SECISBP2L: variants seen among roughly 807,000 people sequenced by gnomAD.
SECISBP2L encodes the protein selenocysteine insertion sequence-binding protein 2-like.
Under a neutral mutation model 114.7 loss-of-function variants are expected in SECISBP2L, and 43 were observed. That is an observed-to-expected ratio of 0.38 (90% CI 0.29 to 0.48). The LOEUF is 0.48. Ranked by LOEUF, SECISBP2L falls within the 20% of genes least tolerant of loss-of-function variation. SECISBP2L has a pLI of 0.98. For missense variants in SECISBP2L, 1,136 were observed against 1,301.1 expected, an observed-to-expected ratio of 0.87 and a Z score of 1.95; for synonymous variants, 451 against 439.7, an observed-to-expected ratio of 1.03 and a Z score of -0.32.
At chr15:49,031,314 G>A (rs1339533445) in intron 4 of SECISBP2L, among the ~76,000 whole-genome samples, 2 of 152,036 alleles carry the variant, frequency 1.3e-5, no homozygotes, top group Non-Finnish European at 1.5e-5. Flanking sequence ...CTCCCAAAAT[G>A]CTGGGATTAC....
rs370003540 is a variant in SECISBP2L, at chr15:48,993,175, T to TGCAGCA, written c.2624-255_2624-250dup. Among the ~76,000 whole-genome samples, 339 of 150,758 alleles carry TGCAGCA rather than the reference T, an allele frequency of 2.2e-3. 1 individual carries two copies. The highest frequency in any genetic ancestry group is 7.9e-3 in the African/African-American group (324 of 40,892). On this transcript the variant is annotated intron_variant, in intron 17 of 17. Coordinates refer to ENST00000559471, the MANE Select transcript of SECISBP2L (RefSeq NM_001193489.2). ...GGGGTCTTGCTCTTTTAGGCTGGAA[T>TGCAGCA]GCAGCAACATGATCTTGGCTCACTG... is the stretch of plus-strand genomic sequence containing the variant.
rs922720982 is a variant in SECISBP2L at position 49,017,511 on chromosome 15, T to C, written c.1251+37A>G. On this transcript the variant is annotated intron_variant, in intron 9 of 17. Coordinates refer to ENST00000559471, the MANE Select transcript of SECISBP2L (RefSeq NM_001193489.2). ...TTCAACATAGCCATTGTTCAAAAGA[T>C]GTTATATTTTGCTTTTCTTTTTAAA... is the stretch of plus-strand genomic sequence containing the variant. 6 of 1,279,020 alleles carry C rather than the reference T, an allele frequency of 4.7e-6. No homozygotes were observed. The African/African-American group carries it at 8.8e-5, about 19-fold the overall frequency. 79.2% of individuals were successfully genotyped at this position (1,279,020 alleles called of 1,614,324 possible). A position where few individuals can be genotyped will look rare whatever the true frequency, so the allele number is the denominator to read the frequency against.
chr15:49,019,370 T>G (rs1902597262), intron 8 of SECISBP2L, 48 bp downstream of exon 8: 2 of 1,301,138 alleles, frequency 1.5e-6, no homozygotes, highest in South Asian at 4.7e-5. Flanking sequence ...AATTTCTTAA[T>G]GGGAACATTT....
intron 13 of SECISBP2L, among the ~76,000 whole-genome samples, chr15:49,010,154 C>CACACACACACACA (rs3220511): frequency 7.3e-5 from 11 of 149,960 alleles, no homozygotes; most frequent in Non-Finnish European, 1.0e-4. Context: ...CACACACACA[C>CACACACACACACA]CCCTCTTGCC....
At chr15:48,998,998 A>G (rs1005213986) in intron 16 of SECISBP2L, among the ~76,000 whole-genome samples, 1 of 152,252 alleles carries the variant, frequency 6.6e-6, no homozygotes, top group African/African-American at 2.4e-5. Context: ...AGGGAAAGAA[A>G]CATACGTAAC....
chr15:48,999,128 G>A (rs867212894), intron 16 of SECISBP2L, among the ~76,000 whole-genome samples: 1 of 152,192 alleles, frequency 6.6e-6, no homozygotes, highest in Non-Finnish European at 1.5e-5. Flanking sequence ...TGGTGGGAAA[G>A]AAACAGAATG....
At chr15:49,000,050 C>T (rs893169668) in intron 15 of SECISBP2L, 63 bp from the exon 16 acceptor site, 34 of 1,550,336 alleles carry the variant, frequency 2.2e-5, no homozygotes, top group African/African-American at 1.6e-4. Context: ...ATTGCACACC[C>T]GATAGCTAAA....
chr15:49,002,560 T>A (rs568945438), intron 14 of SECISBP2L, among the ~76,000 whole-genome samples: 1 of 152,350 alleles, frequency 6.6e-6, no homozygotes, highest in South Asian at 2.1e-4. Context: ...GCCTAGGTTT[T>A]CTTCCAGGGT....
chr15:49,027,278 T>G, intron 7 of SECISBP2L, 87 bp downstream of exon 7: 2 of 847,156 alleles, frequency 2.4e-6, no homozygotes, highest in Non-Finnish European at 1.9e-6. Context: ...TCACTCCATG[T>G]GCATATCCAC....
chr15:49,025,419 G>A (rs1386887985), intron 7 of SECISBP2L, among the ~76,000 whole-genome samples: 1 of 152,118 alleles, frequency 6.6e-6, no homozygotes, highest in Non-Finnish European at 1.5e-5. Flanking sequence ...AAATTCACTT[G>A]TGTTTCACAT....
At chr15:49,034,348 T>C (rs551713859) in intron 3 of SECISBP2L, among the ~76,000 whole-genome samples, 3 of 152,234 alleles carry the variant, frequency 2.0e-5, no homozygotes, top group East Asian at 1.9e-4. Context: ...AACTGTAAAA[T>C]AGCCTTTTAA....
At position 49,016,495 on chromosome 15, in the gene SECISBP2L, G is replaced by T. The variant is rs183062650; in HGVS notation, c.1561+65C>A. On this transcript the variant is annotated intron_variant, in intron 11 of 17. Coordinates refer to ENST00000559471, the MANE Select transcript of SECISBP2L (RefSeq NM_001193489.2). The stretch of plus-strand genomic sequence containing the variant: ...ACATATATAAAATTTTAAAAATTTC[G>T]ATTAACAACATCTAACATATATTAG... 178 of 1,485,528 alleles carry T rather than the reference G, an allele frequency of 1.2e-4. 1 individual carries two copies. The East Asian group carries it at 3.6e-3, about 30-fold the overall frequency. 92.0% of individuals were successfully genotyped at this position (1,485,528 alleles called of 1,614,324 possible).
Position 49,027,606 on chromosome 15 carries a change from T to TC in SECISBP2L, c.920-127_920-126insG, listed in dbSNP as rs1483485274. 1.5e-3 allele frequency: 660 copies of TC among 426,578 alleles called. 3 individuals carry two copies. The highest frequency in any genetic ancestry group is 2.4e-3 in the Non-Finnish European group (583 of 244,746). 26.4% of individuals were successfully genotyped at this position (426,578 alleles called of 1,614,324 possible). A position where few individuals can be genotyped will look rare whatever the true frequency, so the allele number is the denominator to read the frequency against. On this transcript the variant is annotated intron_variant, in intron 6 of 17. Coordinates refer to ENST00000559471, the MANE Select transcript of SECISBP2L (RefSeq NM_001193489.2). ...ATAGTGAAAATTTTTCTATAAACCT[T>TC]ATTATTTTTTTTTTTTTTTGAGACA...
chr15:49,020,988 A>G (rs1468656759), intron 7 of SECISBP2L, among the ~76,000 whole-genome samples: 1 of 152,192 alleles, frequency 6.6e-6, no homozygotes, highest in Non-Finnish European at 1.5e-5. Flanking sequence ...AAATGTTTCC[A>G]TCTCCTAAAA....
Position 49,016,477 on chromosome 15 carries a change from T to C in SECISBP2L, c.1561+83A>G. 17 of 1,331,414 alleles carry C rather than the reference T, an allele frequency of 1.3e-5. 1 individual carries two copies. The South Asian group carries it at 2.5e-4, about 20-fold the overall frequency. 82.5% of individuals were successfully genotyped at this position (1,331,414 alleles called of 1,614,324 possible). A position where few individuals can be genotyped will look rare whatever the true frequency, so the allele number is the denominator to read the frequency against. On this transcript the variant is annotated intron_variant, in intron 11 of 17. Coordinates refer to ENST00000559471, the MANE Select transcript of SECISBP2L (RefSeq NM_001193489.2). ...ACACATATATATACACATACATATA[T>C]AAAATTTTAAAAATTTCGATTAACA...
chr15:49,039,962 T>C (rs184804894), intron 1 of SECISBP2L, among the ~76,000 whole-genome samples: 1 of 152,316 alleles, frequency 6.6e-6, no homozygotes, highest in Admixed American at 6.5e-5. Flanking sequence ...TTAACCATAC[T>C]AATATAATCA....
intron 1 of SECISBP2L, among the ~76,000 whole-genome samples, chr15:49,040,782 C>T (rs1189831888): frequency 6.6e-6 from 1 of 151,574 alleles, no homozygotes; most frequent in African/African-American, 2.4e-5. Flanking sequence ...TCGTGATCCG[C>T]CCGCCTCGGC....
intron 11 of SECISBP2L, 182 bp downstream of exon 11, chr15:49,016,378 A>G (rs1032454742): frequency 4.4e-5 from 22 of 501,400 alleles, no homozygotes; most frequent in African/African-American, 4.4e-4. Context: ...AGCATGGACA[A>G]TTTCAAGGCT....
chr15:49,019,465 T>C lies in SECISBP2L; in HGVS notation c.1123A>G (p.Ser375Gly). The C allele has an allele frequency of 6.6e-7, 1 of 1,505,746 alleles. No individual in the cohort carries two copies. The highest frequency in any genetic ancestry group is 1.3e-5 in the South Asian group (1 of 78,836). 93.3% of individuals were successfully genotyped at this position (1,505,746 alleles called of 1,614,324 possible). Residue 375 changes from serine (S) to glycine (G), a missense_variant, in exon 8 of 18, where the codon AGT becomes GGT. Physicochemically the swap from Ser to Gly is moderately conservative, Grantham distance 56 (BLOSUM62 0). Coordinates refer to ENST00000559471, the MANE Select transcript of SECISBP2L (RefSeq NM_001193489.2). ...KRPDNKHLSS[S>G]QSHRSDPNSE... Reference sequence around the variant, plus strand: ...TTTGGATCGCTTCTATGGGATTGACTAGAGCTTAAATGCTTATTATCTGGT... The same window carrying C: ...TTTGGATCGCTTCTATGGGATTGACCAGAGCTTAAATGCTTATTATCTGGT...
Sources: gnomAD v4.1 joint callset for allele counts (sites outside exome capture counted in the v4.1 genomes callset) on GRCh38, gnomAD v4.1.1 for gene constraint, MANE v1.5 for transcripts, NCBI Gene and HGNC (gene_info 2026-07-23, HGNC 2026-07-21) for gene names.